The following CENPK variants were observed in gnomAD, a reference collection of about 807,000 sequenced individuals.
CENPK encodes the protein centromere protein K.
CENPK carries 46 observed loss-of-function variants against 40.9 expected under a neutral mutation model. That is an observed-to-expected ratio of 1.13 (90% CI 0.89 to 1.44). The LOEUF (loss-of-function observed/expected upper bound fraction) is 1.44. CENPK is among the 40% of genes most tolerant of loss of function. The pLI, the probability that CENPK is intolerant of heterozygous loss-of-function variation, is 0.00. For missense variants in CENPK, 288 were observed against 303.5 expected, an observed-to-expected ratio of 0.95 and a Z score of 0.38; for synonymous variants, 107 against 104.4, an observed-to-expected ratio of 1.02 and a Z score of -0.15.
the CENPK span, among the ~76,000 whole-genome samples, chr5:65,506,639 G>C: frequency 4.9e-4 from 75 of 152,240 alleles, no homozygotes; most frequent in Non-Finnish European, 8.7e-4. Flanking sequence ...CAAAAAATTA[G>C]CCAGGCATGT....
In CENPK at chr5:65,554,711, C is replaced by A. The variant is rs1750695495; in HGVS notation, c.111+86G>T. ...ATACATAATGGCTTTTGGAAACTAG[C>A]ACAATCATTTCTTTCCTGAGTCTAT... On this transcript the variant is annotated intron_variant, in intron 3 of 10. Coordinates refer to ENST00000396679, the MANE Select transcript of CENPK (RefSeq NM_022145.5). 2.3e-5 allele frequency: 18 copies of A among 776,872 alleles called. No individual in the cohort carries two copies. In the South Asian group the frequency reaches 2.6e-4, roughly 11 times the overall value. The allele number at this position is 776,872 out of a possible 1,614,324, so 48.1% of individuals were successfully genotyped here.
the CENPK span, among the ~76,000 whole-genome samples, chr5:65,495,845 A>C: frequency 6.6e-6 from 1 of 152,218 alleles, no homozygotes; most frequent in Non-Finnish European, 1.5e-5. Flanking sequence ...CAAATAGACA[A>C]AATTTTAAAA....
At chr5:65,523,932 A>T (rs7712178) in intron 9 of CENPK, among the ~76,000 whole-genome samples, 61,423 of 150,242 alleles carry the variant, frequency 0.41, 12,787 homozygotes, top group East Asian at 0.65. Flanking sequence ...CTTGAGATTT[A>T]AAAAAAAAAG....
At chr5:65,510,830 G>C in the CENPK span, among the ~76,000 whole-genome samples, 2 of 151,920 alleles carry the variant, frequency 1.3e-5, no homozygotes, top group Non-Finnish European at 2.9e-5. Context: ...TTAATTAATG[G>C]AGTATTGGGT....
At chr5:65,510,856 A>C in the CENPK span, among the ~76,000 whole-genome samples, 1 of 151,918 alleles carries the variant, frequency 6.6e-6, no homozygotes, top group Non-Finnish European at 1.5e-5. Context: ...TGGGAATGGG[A>C]CTGGTGGCTT....
chr5:65,510,205 AAT>A, the CENPK span, among the ~76,000 whole-genome samples: 6 of 152,246 alleles, frequency 3.9e-5, no homozygotes, highest in Admixed American at 6.5e-5. Context: ...GTCTGGCACC[AAT>A]AGTTACCCAA....
At chr5:65,545,178 G>T (rs1448787005) in intron 5 of CENPK, among the ~76,000 whole-genome samples, 1 of 152,036 alleles carries the variant, frequency 6.6e-6, no homozygotes, top group Non-Finnish European at 1.5e-5. Flanking sequence ...TAGCTAAAAA[G>T]TTCTCAAATT....
chr5:65,518,541 A>T lies in CENPK; in HGVS notation c.744T>A (p.Arg248=). 1 of 1,613,628 alleles carries T rather than the reference A, an allele frequency of 6.2e-7. No individual in the cohort carries two copies. The highest frequency in any genetic ancestry group is 8.5e-7 in the Non-Finnish European group (1 of 1,179,764). Residue 248 remains arginine (R), a synonymous_variant, in exon 11 of 11, where the codon CGT becomes CGA. Coordinates refer to ENST00000396679, the MANE Select transcript of CENPK (RefSeq NM_022145.5). ...FWPPYVELLL[R]NGIALRHPED... ...CTGGATGTCTCAAGGCAATTCCATT[A>T]CGCAGCAGCAGCTCAACATAAGGTG...
At chr5:65,519,454 C>T (rs982562144) in intron 10 of CENPK, among the ~76,000 whole-genome samples, 2 of 152,144 alleles carry the variant, frequency 1.3e-5, no homozygotes, top group East Asian at 1.9e-4. Flanking sequence ...AGCTATCTTC[C>T]GGTGCCTTCA....
At chr5:65,522,426 T>C (rs1362298605) in intron 9 of CENPK, among the ~76,000 whole-genome samples, 1 of 152,100 alleles carries the variant, frequency 6.6e-6, no homozygotes, top group African/African-American at 2.4e-5. Context: ...TCTTCAATTA[T>C]TTTTCTTTTT....
Position 65,528,582 on chromosome 5 carries a change from A to G in CENPK, c.471-4T>C, listed in dbSNP as rs781320311. On this transcript the variant is annotated splice_polypyrimidine_tract_variant and splice_region_variant and intron_variant, in intron 8 of 10. Coordinates refer to ENST00000396679, the MANE Select transcript of CENPK (RefSeq NM_022145.5). ...AGTTTTCAGTTCATTAAAGATTCTA[A>G]TAGATTAAAAAAATTAAGAGAAACA... The G allele has an allele frequency of 2.0e-6, 3 of 1,519,574 alleles. No homozygotes were observed. In the East Asian group the frequency reaches 7.2e-5, roughly 37 times the overall value. The allele number at this position is 1,519,574 out of a possible 1,614,324, so 94.1% of individuals were successfully genotyped here.
At chr5:65,555,127 TG>T (rs11309041) in intron 2 of CENPK, 181 bp from the exon 3 acceptor site, 214,293 of 363,858 alleles carry the variant, frequency 0.59, 63,256 homozygotes, top group Non-Finnish European at 0.62. Flanking sequence ...ATATATATAC[TG>T]TAGTATATCA....
At chr5:65,542,781 C>T (rs1401232326) in intron 6 of CENPK, 21 bp downstream of exon 6, 1 of 1,589,488 alleles carries the variant, frequency 6.3e-7, no homozygotes, top group Non-Finnish European at 8.6e-7. Context: ...GGGGTCACTA[C>T]AAATTCATTG....
the CENPK span, among the ~76,000 whole-genome samples, chr5:65,506,769 A>G: frequency 6.6e-6 from 1 of 152,056 alleles, no homozygotes. Flanking sequence ...TGGGCAGCAG[A>G]GCGACACTTG....
Position 65,528,455 on chromosome 5 carries a change from T to C in CENPK, c.594A>G (p.Lys198=). The change falls in exon 9 of 11, where the codon AAA becomes AAG. Residue 198 remains lysine (K), a synonymous_variant. Coordinates refer to ENST00000396679, the MANE Select transcript of CENPK (RefSeq NM_022145.5). ...AAATGTCTTCTCTAAAACTTACCTT[T>C]TTCTTTTTAACACTTCTATCAGGCA... ...FPLPDRSVKK[K]KKNIQESSVN... 1 of 1,588,256 alleles carries C rather than the reference T, an allele frequency of 6.3e-7. No homozygotes were observed. Among genetic ancestry groups the C allele is most frequent in the Non-Finnish European group, 8.5e-7 (1 of 1,173,414 alleles).
chr5:65,558,282 G>A (rs1751330287), intron 2 of CENPK, among the ~76,000 whole-genome samples: 1 of 152,058 alleles, frequency 6.6e-6, no homozygotes, highest in Non-Finnish European at 1.5e-5. Flanking sequence ...TCTTTATACG[G>A]TACAGTAAAA....
At chr5:65,528,694 AAAT>A (rs766865224) in intron 8 of CENPK, 116 bp from the exon 9 acceptor site, 3 of 1,260,976 alleles carry the variant, frequency 2.4e-6, no homozygotes, top group Non-Finnish European at 3.2e-6. Context: ...TGCTCAAACC[AAAT>A]AACTACCTTT....
the CENPK span, among the ~76,000 whole-genome samples, chr5:65,508,754 C>A: frequency 6.8e-6 from 1 of 147,984 alleles, no homozygotes; most frequent in Non-Finnish European, 1.5e-5. Context: ...CCACTGCACT[C>A]CAGCCTGGGT....
intron 5 of CENPK, among the ~76,000 whole-genome samples, chr5:65,548,577 G>A (rs562417052): frequency 2.0e-5 from 3 of 152,270 alleles, no homozygotes; most frequent in Admixed American, 2.0e-4. Context: ...ACCCACAGCA[G>A]AACTTCTTTC....
Sources: allele counts gnomAD v4.1 joint callset (sites outside exome capture counted in the v4.1 genomes callset), GRCh38; gene constraint gnomAD v4.1.1; transcripts MANE v1.5; gene names NCBI Gene and HGNC (gene_info 2026-07-23, HGNC 2026-07-21).